PPARGC1A: variants seen among roughly 807,000 people sequenced by gnomAD.
PPARGC1A encodes peroxisome proliferator-activated receptor gamma coactivator 1-alpha.
PPARGC1A carries 25 observed loss-of-function variants against 88.7 expected under a neutral mutation model. The ratio of observed to expected loss-of-function variants is 0.28; its 90% CI spans 0.21 to 0.39. PPARGC1A has a LOEUF of 0.39. Among genes scored for constraint, PPARGC1A ranks in the 10% least tolerant of loss-of-function variants. The probability of loss-of-function intolerance (pLI) is 1.00; values close to 1 mark genes in which losing one functional copy is unlikely to be tolerated. For synonymous variants in PPARGC1A, 363 were observed against 355.6 expected (o/e 1.02, Z -0.24); for missense variants, 880 against 968.7 (o/e 0.91, Z 1.22).
At chr4:24,152,299 T>C in the PPARGC1A span, among the ~76,000 whole-genome samples, 1 of 152,162 alleles carries the variant, frequency 6.6e-6, no homozygotes, top group Non-Finnish European at 1.5e-5. Context: ...GGCATTAAAA[T>C]CAACAAAACT....
the PPARGC1A span, among the ~76,000 whole-genome samples, chr4:24,082,940 C>T: frequency 6.6e-6 from 1 of 152,066 alleles, no homozygotes; most frequent in Admixed American, 6.6e-5. Context: ...GGGTTTTACG[C>T]AAATTTGTAC....
intron 1 of PPARGC1A, among the ~76,000 whole-genome samples, chr4:23,887,998 C>T (rs1284003243): frequency 2.0e-5 from 3 of 152,112 alleles, no homozygotes; most frequent in Non-Finnish European, 2.9e-5. Flanking sequence ...GTGATATAGG[C>T]CTATATTAAC....
At chr4:24,280,962 C>A in the PPARGC1A span, among the ~76,000 whole-genome samples, 1 of 152,222 alleles carries the variant, frequency 6.6e-6, no homozygotes, top group African/African-American at 2.4e-5. Context: ...CCAACCAAAG[C>A]TGGAGAAGCC....
In PPARGC1A at chr4:23,795,534, C is replaced by A. The variant is rs1376604256; in HGVS notation, c.*288G>T. 8.7e-6 allele frequency: 3 copies of A among 343,668 alleles called. No homozygotes were observed. The highest frequency in any genetic ancestry group is 1.6e-4 in the East Asian group (2 of 12,902). The allele number at this position is 343,668 out of a possible 1,614,324, so 21.3% of individuals were successfully genotyped here. On this transcript the variant is annotated 3_prime_UTR_variant, in exon 13 of 13. Coordinates refer to ENST00000264867, the MANE Select transcript of PPARGC1A (RefSeq NM_013261.5). Reference sequence around the variant, plus strand: ...ACACACATACATGCACACACGCACACTCCATCACCAAGAGACTCCAGGAAA... The same window carrying A: ...ACACACATACATGCACACACGCACAATCCATCACCAAGAGACTCCAGGAAA...
chr4:24,122,906 C>T, the PPARGC1A span, among the ~76,000 whole-genome samples: 1 of 152,078 alleles, frequency 6.6e-6, no homozygotes, highest in Non-Finnish European at 1.5e-5. Flanking sequence ...ACAAGAAGAC[C>T]CCGGGATAAC....
the PPARGC1A span, among the ~76,000 whole-genome samples, chr4:24,120,972 C>A: frequency 5.3e-5 from 8 of 152,208 alleles, no homozygotes; most frequent in Non-Finnish European, 7.3e-5. Context: ...GACTTCTCTG[C>A]TCAGTGGCTT....
the PPARGC1A span, among the ~76,000 whole-genome samples, chr4:23,992,432 C>T: frequency 6.6e-6 from 1 of 151,974 alleles, no homozygotes; most frequent in Non-Finnish European, 1.5e-5. Flanking sequence ...ATTTAGCCTA[C>T]ATAACACCCT....
In PPARGC1A at chr4:23,814,544, A is replaced by G; in HGVS notation, c.939T>C (p.Ser313=). ...TCTTGCAAGAGGACTTCAGCTTTGG[A>G]GAAGCCCTAAAAGGGTTATCTTGGT... ...KANQDNPFRA[S]PKLKSSCKTV... Residue 313 remains serine, a synonymous_variant, in exon 8 of 13, where the codon TCT becomes TCC. Coordinates refer to ENST00000264867, the MANE Select transcript of PPARGC1A (RefSeq NM_013261.5). 1 of 1,612,128 alleles carries G rather than the reference A, an allele frequency of 6.2e-7. No homozygotes were observed. Among genetic ancestry groups the G allele is most frequent in the East Asian group, 2.2e-5 (1 of 44,758 alleles).
At chr4:24,243,190 A>G in the PPARGC1A span, among the ~76,000 whole-genome samples, 4 of 152,226 alleles carry the variant, frequency 2.6e-5, no homozygotes, top group African/African-American at 7.2e-5. Flanking sequence ...TCCACTCAAC[A>G]TATCATCATG....
intron 2 of PPARGC1A, chr4:23,882,640 A>G (rs1272919393): frequency 6.6e-6 from 1 of 152,164 alleles, no homozygotes; most frequent in South Asian, 2.1e-4. Flanking sequence ...TCATTGGTTT[A>G]AAATGACCTA....
the PPARGC1A span, among the ~76,000 whole-genome samples, chr4:24,211,188 C>A: frequency 6.6e-6 from 1 of 151,946 alleles, no homozygotes; most frequent in East Asian, 1.9e-4. Flanking sequence ...TCCTTAAACT[C>A]GTGACTAGAT....
the PPARGC1A span, among the ~76,000 whole-genome samples, chr4:24,019,906 A>C: frequency 6.6e-6 from 1 of 152,200 alleles, no homozygotes; most frequent in Non-Finnish European, 1.5e-5. Context: ...TGCTGTAAGG[A>C]TCATGCTCCA....
the PPARGC1A span, among the ~76,000 whole-genome samples, chr4:24,372,270 C>T: frequency 6.6e-6 from 1 of 152,210 alleles, no homozygotes; most frequent in Non-Finnish European, 1.5e-5. Context: ...TTACCTAAAT[C>T]AGTGGTTCTC....
At chr4:24,027,874 C>T in the PPARGC1A span, among the ~76,000 whole-genome samples, 157 of 152,202 alleles carry the variant, frequency 1.0e-3, 1 homozygote, top group East Asian at 0.026. Flanking sequence ...TGCAACATAC[C>T]GATCAGTGCC....
the PPARGC1A span, among the ~76,000 whole-genome samples, chr4:24,205,748 T>C: frequency 6.6e-6 from 1 of 152,056 alleles, no homozygotes; most frequent in East Asian, 1.9e-4. Flanking sequence ...ACAACACCCA[T>C]ATACAAAAAA....
At chr4:23,810,088 A>G (rs59865649) in intron 10 of PPARGC1A, among the ~76,000 whole-genome samples, 139 of 152,352 alleles carry the variant, frequency 9.1e-4, no homozygotes, top group African/African-American at 3.3e-3. Context: ...AGAAAGAGCT[A>G]TGAGCTTTCA....
In PPARGC1A at chr4:23,889,999, T is replaced by C; in HGVS notation, c.-42A>G. On this transcript the variant is annotated 5_prime_UTR_variant, in exon 1 of 13. Coordinates refer to ENST00000264867, the MANE Select transcript of PPARGC1A (RefSeq NM_013261.5). ...GCCAGTCAAGCTTTTTCAACTCCAA[T>C]CCACAGTGACACAGAGCACACACTC... The C allele has an allele frequency of 3.1e-6, 5 of 1,612,388 alleles. No individual in the cohort carries two copies. The South Asian group carries it at 5.5e-5, about 18-fold the overall frequency.
the PPARGC1A span, among the ~76,000 whole-genome samples, chr4:23,909,395 C>T: frequency 5.3e-5 from 8 of 152,146 alleles, no homozygotes; most frequent in South Asian, 6.2e-4. Flanking sequence ...TAGCATAGTA[C>T]TGGCGAAACC....
intron 12 of PPARGC1A, among the ~76,000 whole-genome samples, chr4:23,799,591 A>G (rs1265085382): frequency 6.6e-6 from 1 of 152,176 alleles, no homozygotes; most frequent in Non-Finnish European, 1.5e-5. Context: ...AGCTTGAGGG[A>G]ATTGGAAAAA....
Sources: allele counts gnomAD v4.1 joint callset (sites outside exome capture counted in the v4.1 genomes callset), GRCh38; gene constraint gnomAD v4.1.1; transcripts MANE v1.5; gene names NCBI Gene and HGNC (gene_info 2026-07-23, HGNC 2026-07-21).